Variants in PCDHGA2 observed in about 807,000 individuals in gnomAD.
The protein encoded by PCDHGA2 is protocadherin gamma-A2.
Under a neutral mutation model 59.2 loss-of-function variants are expected in PCDHGA2, and 40 were observed. The observed-to-expected ratio is 0.68, with a 90% CI of 0.52 to 0.88. PCDHGA2 has a LOEUF of 0.88. Among genes scored for constraint, PCDHGA2 ranks in the 40% least tolerant of loss-of-function variants. PCDHGA2 has a pLI of 0.00. For synonymous variants in PCDHGA2, 560 were observed against 526.0 expected (o/e 1.06, Z -0.89); for missense variants, 1,226 against 1,204.0 (o/e 1.02, Z -0.27).
At position 141,357,551 on chromosome 5, in the gene PCDHGA2, G is replaced by A. The variant is rs776549222; in HGVS notation, c.2424+16156G>A. 1.2e-6 allele frequency: 2 copies of A among 1,614,242 alleles called. No homozygotes were observed. Among genetic ancestry groups the A allele is most frequent in the Non-Finnish European group, 8.5e-7 (1 of 1,180,048 alleles). On this transcript the variant is annotated intron_variant, in intron 1 of 3. Transcript: ENST00000394576. ...GCAGACACGCTCATCAGCCGGGAGA[G>A]TTGTGAGAAAAGCGAGCCTCTTCTG...
At position 141,491,462 on chromosome 5, in the gene PCDHGA2, T is replaced by C; in HGVS notation, c.2425-3345T>C. 1.2e-6 allele frequency: 2 copies of C among 1,614,004 alleles called. No individual in the cohort carries two copies. The highest frequency in any genetic ancestry group is 1.7e-6 in the Non-Finnish European group (2 of 1,179,978). ...CGCCAGGACTCACCCTCCCCGGACT[T>C]CTATAAGCAGTCCAGCCCCAACCTG... On this transcript the variant is annotated intron_variant, in intron 1 of 3. Coordinates refer to ENST00000394576, the MANE Select transcript of PCDHGA2 (RefSeq NM_018915.4). This position sits in a 1 kb window ranked among gnomAD's most constrained non-coding sequence, Gnocchi z 6.9.
intron 1 of PCDHGA2, among the ~76,000 whole-genome samples, chr5:141,387,521 C>G (rs1036909067): frequency 6.6e-6 from 1 of 152,188 alleles, no homozygotes; most frequent in Non-Finnish European, 1.5e-5. Flanking sequence ...ATTAAATATA[C>G]AGACGTATCC....
At chr5:141,374,701 C>G (rs781441820) in intron 1 of PCDHGA2, 1 of 1,608,844 alleles carries the variant, frequency 6.2e-7, no homozygotes, top group Non-Finnish European at 8.5e-7. Flanking sequence ...AAGGAGAAGC[C>G]GTTTACCGCC....
chr5:141,413,841 T>G, intron 1 of PCDHGA2: 1 of 1,613,060 alleles, frequency 6.2e-7, no homozygotes, highest in Non-Finnish European at 8.5e-7. Context: ...CCGACGGGGG[T>G]GACCCTCTCC....
rs773791186 is a variant in PCDHGA2 at position 141,339,829 on chromosome 5, A to T, written c.858A>T (p.Gly286=). The change falls in exon 1 of 4, where the codon GGA becomes GGT. Residue 286 remains glycine (G), a synonymous_variant. Coordinates refer to ENST00000394576, the MANE Select transcript of PCDHGA2 (RefSeq NM_018915.4). ...TATATTTTCTAGAGAAAAGCCCTGG[A>T]GAAACCTCAGAGGTATTTGAGCTTA... The part of the protein sequence containing the change: ...QVVYFLEKSP[G]ETSEVFELKS... 2.5e-5 allele frequency: 40 copies of T among 1,614,108 alleles called. No individual in the cohort carries two copies. Among genetic ancestry groups the T allele is most frequent in the Middle Eastern group, 1.6e-4 (1 of 6,084 alleles).
chr5:141,388,160 G>A (rs766854792), intron 1 of PCDHGA2: 9 of 1,474,272 alleles, frequency 6.1e-6, no homozygotes, highest in Non-Finnish European at 8.4e-6. Context: ...GGCTAGACAG[G>A]GAGGAGATAT....
At chr5:141,481,894 A>G (rs1278425155) in intron 1 of PCDHGA2, among the ~76,000 whole-genome samples, 1 of 145,812 alleles carries the variant, frequency 6.9e-6, no homozygotes, top group Non-Finnish European at 1.5e-5. Flanking sequence ...AGCCTGGGTG[A>G]AAGAGCGAAA....
At chr5:141,367,743 A>T (rs1765311157) in intron 1 of PCDHGA2, 1 of 152,154 alleles carries the variant, frequency 6.6e-6, no homozygotes, top group African/African-American at 2.4e-5. Flanking sequence ...GCCTCCAGAG[A>T]GTTACATACT....
intron 2 of PCDHGA2, among the ~76,000 whole-genome samples, chr5:141,502,866 C>CTTTTTTT (rs549047197): frequency 0.02 from 2,590 of 127,990 alleles, 216 homozygotes; most frequent in African/African-American, 0.075. Flanking sequence ...GACTCTCTGT[C>CTTTTTTT]TTTTTTTTTT....
In PCDHGA2 at chr5:141,344,934, G is replaced by A. The variant is rs536286068; in HGVS notation, c.2424+3539G>A. On this transcript the variant is annotated intron_variant, in intron 1 of 3. Coordinates refer to ENST00000394576, the MANE Select transcript of PCDHGA2 (RefSeq NM_018915.4). ...CCATCTTAACTCAGTGAGTGGAGAA[G>A]TATCAATATTAAAAAGTCTAGATTA... The A allele has an allele frequency of 5.0e-6, 8 of 1,613,922 alleles. No homozygotes were observed. The East Asian group carries it at 1.6e-4, about 31-fold the overall frequency.
intron 1 of PCDHGA2, among the ~76,000 whole-genome samples, chr5:141,452,674 G>A (rs2098746885): frequency 6.6e-6 from 1 of 151,936 alleles, no homozygotes; most frequent in Non-Finnish European, 1.5e-5. Context: ...TCCAGCCTAG[G>A]CCACAGAATG....
chr5:141,355,448 C>T (rs1370808610), intron 1 of PCDHGA2: 5 of 1,614,092 alleles, frequency 3.1e-6, no homozygotes, highest in South Asian at 1.1e-5. Flanking sequence ...CGCAGCGGCA[C>T]CTTGGTCACC....
At chr5:141,352,846 G>C (rs1759124733) in intron 1 of PCDHGA2, among the ~76,000 whole-genome samples, 1 of 152,124 alleles carries the variant, frequency 6.6e-6, no homozygotes, top group African/African-American at 2.4e-5. Context: ...AAATTAGTTG[G>C]GTGTGGTGGC....
At chr5:141,371,849 C>T (rs1323132095) in intron 1 of PCDHGA2, 2 of 1,613,542 alleles carry the variant, frequency 1.2e-6, no homozygotes, top group Admixed American at 1.7e-5. Flanking sequence ...GACCTAATGG[C>T]CTTGTCTCCT....
intron 1 of PCDHGA2, among the ~76,000 whole-genome samples, chr5:141,368,153 C>T (rs1012030751): frequency 2.6e-5 from 4 of 152,064 alleles, no homozygotes; most frequent in Non-Finnish European, 4.4e-5. Context: ...ACTTTTAAAA[C>T]CTTGAGCATC....
chr5:141,370,936 T>C (rs1410454711), intron 1 of PCDHGA2: 1 of 1,613,960 alleles, frequency 6.2e-7, no homozygotes, highest in South Asian at 1.1e-5. Flanking sequence ...TTCTCTTTGA[T>C]TCAGAAGGAG....
At chr5:141,366,410 G>C in intron 1 of PCDHGA2, 1 of 1,614,204 alleles carries the variant, frequency 6.2e-7, no homozygotes, top group South Asian at 1.1e-5. Context: ...ACTCTATCTT[G>C]TGGTGGCAGT....
chr5:141,472,750 C>T (rs967243815), intron 1 of PCDHGA2, among the ~76,000 whole-genome samples: 3 of 151,882 alleles, frequency 2.0e-5, no homozygotes, highest in Non-Finnish European at 2.9e-5. Context: ...CTTTGGGAGG[C>T]GGAGGCTGGC....
intron 1 of PCDHGA2, among the ~76,000 whole-genome samples, chr5:141,458,449 A>G (rs1483902182): frequency 6.6e-6 from 1 of 152,086 alleles, no homozygotes; most frequent in Non-Finnish European, 1.5e-5. Context: ...CCACATTAAC[A>G]ATTTTTAAAA....
Sources: allele counts gnomAD v4.1 joint callset (sites outside exome capture counted in the v4.1 genomes callset), GRCh38; gene constraint gnomAD v4.1.1; non-coding constraint Gnocchi (gnomAD v3.1); transcripts MANE v1.5; gene names NCBI Gene and HGNC (gene_info 2026-07-23, HGNC 2026-07-21).